APC2: variants seen among roughly 807,000 people sequenced by gnomAD.
The protein encoded by APC2 is adenomatous polyposis coli protein 2.
APC2 carries 41 observed loss-of-function variants against 72.5 expected under a neutral mutation model. The ratio of observed to expected loss-of-function variants is 0.57; its 90% CI spans 0.44 to 0.73. The LOEUF (loss-of-function observed/expected upper bound fraction) is 0.73, where lower values mean the gene tolerates loss of function less well. Ranked by LOEUF, APC2 falls within the 30% of genes least tolerant of loss-of-function variation. The probability of loss-of-function intolerance (pLI) is 0.00; values close to 1 mark genes in which losing one functional copy is unlikely to be tolerated. For missense variants in APC2, 3,729 were observed against 3,403.4 expected (o/e 1.10, Z -2.38); for synonymous variants, 1,898 against 1,612.0 (o/e 1.18, Z -4.25).
chr19:1,460,479 G>A (rs1272482648), intron 11 of APC2, among the ~76,000 whole-genome samples, 159 bp downstream of exon 11: 1 of 152,232 alleles, frequency 6.6e-6, no homozygotes, highest in Non-Finnish European at 1.5e-5. Flanking sequence ...AGTGCGGTGT[G>A]GGGGGACGGG....
upstream of APC2, chr19:1,446,485 C>G (rs1286390686): frequency 1.7e-6 from 1 of 580,306 alleles, no homozygotes; most frequent in Non-Finnish European, 2.2e-6. The surrounding 1 kb of genome is among the most constrained non-coding windows in gnomAD (Gnocchi z 6.1). Flanking sequence ...GGTCTAGTGC[C>G]GTCGCCGTAG....
Position 1,471,588 on chromosome 19 carries a change from C to A in APC2, c.*1375C>A, listed in dbSNP as rs573504185. ...CTCGTCCTGCAGAGGGAGCCGACGA[C>A]CTCTTTTCTGCAGAAAAGCTCCAGC... On this transcript the variant is annotated 3_prime_UTR_variant, in exon 15 of 15. Coordinates refer to ENST00000590469, the MANE Select transcript of APC2 (RefSeq NM_005883.3). 6.6e-6 allele frequency: 1 copy of A among 152,232 alleles called. No homozygotes were observed. Among genetic ancestry groups the A allele is most frequent in the Admixed American group, 6.5e-5 (1 of 15,278 alleles). The allele number at this position is 152,232 out of a possible 1,614,324, so 9.4% of individuals were successfully genotyped here. A position where few individuals can be genotyped will look rare whatever the true frequency, so the allele number is the denominator to read the frequency against.
chr19:1,469,868 C>G lies in APC2; in HGVS notation c.6567C>G (p.Ala2189=). ...AGPPPRKTSD[A]VVQTEEVAAP... is the part of the protein sequence containing the mutation. ...CCCCGCCGCGCAAGACCAGCGACGCCGTGGTCCAGACCGAGGAGGTCGCCG... is the reference window on the plus strand; with the variant it reads ...CCCCGCCGCGCAAGACCAGCGACGCGGTGGTCCAGACCGAGGAGGTCGCCG... Residue 2189 remains alanine (A), a synonymous_variant, in exon 15 of 15, where the codon GCC becomes GCG. Transcript: ENST00000590469. The G allele has an allele frequency of 1.6e-5, 24 of 1,522,736 alleles. No homozygotes were observed. Among genetic ancestry groups the G allele is most frequent in the Non-Finnish European group, 2.0e-5 (23 of 1,142,006 alleles). The allele number at this position is 1,522,736 out of a possible 1,614,324, so 94.3% of individuals were successfully genotyped here.
chr19:1,470,541 G>A lies in APC2; in HGVS notation c.*328G>A. The stretch of plus-strand genomic sequence containing the variant: ...AAGCCGTTGCTTGACCCCGGGCGAG[G>A]GAGGCGGTAGCCTCCGGGTCCGGGT... On this transcript the variant is annotated 3_prime_UTR_variant, in exon 15 of 15. Coordinates refer to ENST00000590469, the MANE Select transcript of APC2 (RefSeq NM_005883.3). The A allele has an allele frequency of 3.7e-6, 1 of 268,730 alleles. No homozygotes were observed. The highest frequency in any genetic ancestry group is 7.0e-6 in the Non-Finnish European group (1 of 141,890). The allele number at this position is 268,730 out of a possible 1,614,324, so 16.6% of individuals were successfully genotyped here. A position where few individuals can be genotyped will look rare whatever the true frequency, so the allele number is the denominator to read the frequency against.
rs2084024941 is a variant in APC2 at position 1,466,806 on chromosome 19, G to C, written c.3505G>C (p.Gly1169Arg). 1 of 1,551,944 alleles carries C rather than the reference G, an allele frequency of 6.4e-7. No homozygotes were observed. The highest frequency in any genetic ancestry group is 8.7e-7 in the Non-Finnish European group (1 of 1,148,874). The change falls in exon 15 of 15, where the codon GGC becomes CGC. Residue 1169 changes from glycine (G) to arginine (R), a missense_variant. Gly to Arg is a moderately radical substitution (Grantham distance 125). Transcript: ENST00000590469. ...CCGCTGCAGCTCTGTGAGCTCGCTG[G>C]GCAGCTTCGAGAGCCCGTCCATCGC... ...LSRCSSVSSLGSFESPSIASS... is the reference protein window; with the variant it reads ...LSRCSSVSSLRSFESPSIASS...
Position 1,464,509 on chromosome 19 carries a change from T to C in APC2, c.1854-646T>C, listed in dbSNP as rs187785030. Among the ~76,000 whole-genome samples the C allele has an allele frequency of 3.3e-3, 498 of 152,108 alleles. 1 individual carries two copies. Among genetic ancestry groups the C allele is most frequent in the African/African-American group, 0.011 (470 of 41,526 alleles). The stretch of plus-strand genomic sequence containing the variant: ...AGTTGGAGGCTGCAGTGAGCCATGA[T>C]TGCACCACTGCACTCCAGGCTGTAC... On this transcript the variant is annotated intron_variant, in intron 14 of 14. Transcript: ENST00000590469.
rs1568180122 is a variant in APC2 at position 1,466,732 on chromosome 19, C to CGTCCAG, written c.3432_3437dup (p.Ser1145_Ser1146insArgSer). The CGTCCAG allele has an allele frequency of 3.2e-6, 5 of 1,540,102 alleles. No homozygotes were observed. Among genetic ancestry groups the CGTCCAG allele is most frequent in the Non-Finnish European group, 4.4e-6 (5 of 1,141,192 alleles). On this transcript the variant is annotated inframe_insertion, in exon 15 of 15. Transcript: ENST00000590469. ...GGCCTGGGGGTGGAAGACGCCACGC[C>CGTCCAG]GTCCAGCTCGTCGGAGAACTACGTG...
Position 1,465,852 on chromosome 19 carries a change from G to A in APC2, c.2551G>A (p.Val851Met). ...GGCCAAGGCCAAGCTGGCGCTTGCA[G>A]TGGCGCGCATCGACCAGCTGGTGGA... ...AKAKAKLALAVARIDQLVEDI... is the reference protein window; with the variant it reads ...AKAKAKLALAMARIDQLVEDI... The change falls in exon 15 of 15, where the codon GTG (valine) becomes ATG (methionine). Residue 851 changes from valine to methionine, a missense_variant. By Grantham distance (21) the Val-to-Met change is conservative. Transcript: ENST00000590469. 6.4e-7 allele frequency: 1 copy of A among 1,572,416 alleles called. No homozygotes were observed.
In APC2 at chr19:1,452,012, G is replaced by C. The variant is rs574125362; in HGVS notation, c.-18-972G>C. ...CGGTGTGAGGAAGGGGCTCAGGCTG[G>C]CAGGGGGAGGTGGCAGAGGGATGGG... On this transcript the variant is annotated intron_variant, in intron 1 of 14. Transcript: ENST00000590469. The surrounding 1 kb of genome is among the most constrained non-coding windows in gnomAD (Gnocchi z 5.1). 243 of 155,354 alleles carry C rather than the reference G, an allele frequency of 1.6e-3. 3 individuals carry two copies. The highest frequency in any genetic ancestry group is 5.7e-3 in the African/African-American group (238 of 41,662). The allele number at this position is 155,354 out of a possible 1,614,324, so 9.6% of individuals were successfully genotyped here. A position where few individuals can be genotyped will look rare whatever the true frequency, so the allele number is the denominator to read the frequency against.
upstream of APC2, among the ~76,000 whole-genome samples, chr19:1,446,683 G>A (rs941971550): frequency 6.6e-6 from 1 of 152,120 alleles, no homozygotes; most frequent in South Asian, 2.1e-4. The surrounding 1 kb of genome is among the most constrained non-coding windows in gnomAD (Gnocchi z 6.1). Context: ...CTGGGGCGGC[G>A]GGGGCGGCTG....
rs1408101539 is a variant in APC2 at position 1,456,303 on chromosome 19, C to T, written c.718-3C>T. The T allele has an allele frequency of 6.2e-7, 1 of 1,606,178 alleles. No homozygotes were observed. The highest frequency in any genetic ancestry group is 1.7e-5 in the Admixed American group (1 of 59,482). On this transcript the variant is annotated splice_polypyrimidine_tract_variant and splice_region_variant and intron_variant, in intron 7 of 14. Transcript: ENST00000590469. Reference sequence around the variant, plus strand: ...ACCCCCGACCCTGGTGCTCTCCCTGCAGGCCTTGCTGGCGGTGAAGTCGGT... The same window carrying T: ...ACCCCCGACCCTGGTGCTCTCCCTGTAGGCCTTGCTGGCGGTGAAGTCGGT...
At position 1,456,962 on chromosome 19, in the gene APC2, G is replaced by A; in HGVS notation, c.926G>A (p.Arg309His). ...SSSPESCVAM[R>H]RSGCLPLLLQ... ...TCGCCCGAGAGCTGCGTGGCCATGC[G>A]CCGCTCGGGCTGTCTGCCTCTGCTG... Residue 309 changes from arginine (R) to histidine (H), a missense_variant, in exon 9 of 15, where the codon CGC (arginine) becomes CAC (histidine). Arg to His is a conservative substitution (Grantham distance 29). Coordinates refer to ENST00000590469, the MANE Select transcript of APC2 (RefSeq NM_005883.3). 2.6e-6 allele frequency: 4 copies of A among 1,542,164 alleles called. No individual in the cohort carries two copies. Among genetic ancestry groups the A allele is most frequent in the Non-Finnish European group, 3.5e-6 (4 of 1,150,840 alleles).
chr19:1,468,360 C>T lies in APC2; in HGVS notation c.5059C>T (p.Arg1687Cys). The change falls in exon 15 of 15, where the codon CGC becomes TGC. Residue 1687 changes from arginine (R) to cysteine (C), a missense_variant. Physicochemically the swap from Arg to Cys is radical, Grantham distance 180 (BLOSUM62 -3). Transcript: ENST00000590469. ...CTCCGACCTGGATAGCGTGGAGTGG[C>T]GCGCCATCCAGGAGGGCGCCAATTC... The part of the protein sequence containing the change: ...RASDLDSVEW[R>C]AIQEGANSIV... 1.3e-6 allele frequency: 2 copies of T among 1,568,610 alleles called. No homozygotes were observed. Among genetic ancestry groups the T allele is most frequent in the Non-Finnish European group, 1.7e-6 (2 of 1,155,804 alleles).
At chr19:1,455,332 G>C in intron 5 of APC2, 52 bp from the exon 6 acceptor site, 4 of 1,591,738 alleles carry the variant, frequency 2.5e-6, no homozygotes, top group South Asian at 1.1e-5. Context: ...GGGGAGGAAC[G>C]GGGCCTGGCC....
Position 1,465,694 on chromosome 19 carries a change from G to C in APC2, c.2393G>C (p.Ser798Thr). Residue 798 changes from serine to threonine, a missense_variant, in exon 15 of 15, where the codon AGC becomes ACC. Ser to Thr is a moderately conservative substitution (Grantham distance 58). Transcript: ENST00000590469. ...GCCGCGGCCACCGGGGAGCCAGCCA[G>C]CCCTGCCGCGCTGTCCCTCTTCCTG... The part of the protein sequence containing the change: ...AAAAATGEPA[S>T]PAALSLFLGS... 6.3e-7 allele frequency: 1 copy of C among 1,587,340 alleles called. No homozygotes were observed. The highest frequency in any genetic ancestry group is 1.3e-5 in the African/African-American group (1 of 74,224).
rs1482672189 is a variant in APC2, at chr19:1,469,350, G to A, written c.6049G>A (p.Ala2017Thr). 2 of 1,341,708 alleles carry A rather than the reference G, an allele frequency of 1.5e-6. No homozygotes were observed. Among genetic ancestry groups the A allele is most frequent in the Non-Finnish European group, 1.9e-6 (2 of 1,039,650 alleles). 83.1% of individuals were successfully genotyped at this position (1,341,708 alleles called of 1,614,324 possible). A position where few individuals can be genotyped will look rare whatever the true frequency, so the allele number is the denominator to read the frequency against. ...RRSELSSAES[A>T]ASAPQGASPR... Reference sequence around the variant, plus strand: ...CTCCGAGCTGTCCTCGGCCGAGTCCGCGGCCTCTGCCCCCCAGGGCGCCTC... The same window carrying A: ...CTCCGAGCTGTCCTCGGCCGAGTCCACGGCCTCTGCCCCCCAGGGCGCCTC... Residue 2017 changes from alanine to threonine, a missense_variant, in exon 15 of 15, where the codon GCG becomes ACG. Coordinates refer to ENST00000590469, the MANE Select transcript of APC2 (RefSeq NM_005883.3).
rs893816254 is a variant in APC2, at chr19:1,452,296, C to T, written c.-18-688C>T. Reference sequence around the variant, plus strand: ...GCCAGCAGGGACCAGCTGAAGGCTGCGCAGGGGGTGCGGGCCACACAGGTA... The same window carrying T: ...GCCAGCAGGGACCAGCTGAAGGCTGTGCAGGGGGTGCGGGCCACACAGGTA... On this transcript the variant is annotated intron_variant, in intron 1 of 14. Coordinates refer to ENST00000590469, the MANE Select transcript of APC2 (RefSeq NM_005883.3). This position sits in a 1 kb window ranked among gnomAD's most constrained non-coding sequence, Gnocchi z 5.1. 3.2e-5 allele frequency: 5 copies of T among 154,052 alleles called. No homozygotes were observed. The highest frequency in any genetic ancestry group is 1.9e-4 in the South Asian group (1 of 5,144). 9.5% of individuals were successfully genotyped at this position (154,052 alleles called of 1,614,324 possible).
rs2145262263 is a variant in APC2, at chr19:1,469,733, G to C, written c.6432G>C (p.Thr2144=). 6.8e-7 allele frequency: 1 copy of C among 1,470,794 alleles called. No individual in the cohort carries two copies. The highest frequency in any genetic ancestry group is 3.0e-5 in the East Asian group (1 of 33,790). 91.1% of individuals were successfully genotyped at this position (1,470,794 alleles called of 1,614,324 possible). Residue 2144 remains threonine, a synonymous_variant, in exon 15 of 15, where the codon ACG becomes ACC. Coordinates refer to ENST00000590469, the MANE Select transcript of APC2 (RefSeq NM_005883.3). Reference sequence around the variant, plus strand: ...TCCCCAGGGTGGCCGCGCCGGGCACGACCTGGCGGCGCATCCGAGATGAGG... The same window carrying C: ...TCCCCAGGGTGGCCGCGCCGGGCACCACCTGGCGGCGCATCCGAGATGAGG... ...RPLPRVAAPG[T]TWRRIRDEDV... is the part of the protein sequence containing the mutation.
In APC2 at chr19:1,467,981, G is replaced by C. The variant is rs755135928; in HGVS notation, c.4680G>C (p.Pro1560=). Reference sequence around the variant, plus strand: ...CCAAGGCTGCACCAGCTGCCCCGCCGCCCGCCCGGACCCAGCCCAGCCTCA... The same window carrying C: ...CCAAGGCTGCACCAGCTGCCCCGCCCCCCGCCCGGACCCAGCCCAGCCTCA... ...APSKAAPAAP[P]PARTQPSLIA... is the part of the protein sequence containing the mutation. Residue 1560 remains proline (P), a synonymous_variant, in exon 15 of 15, where the codon CCG becomes CCC. Coordinates refer to ENST00000590469, the MANE Select transcript of APC2 (RefSeq NM_005883.3). The C allele has an allele frequency of 9.5e-6, 15 of 1,579,120 alleles. No homozygotes were observed. Among genetic ancestry groups the C allele is most frequent in the Non-Finnish European group, 8.5e-7 (1 of 1,172,020 alleles).
Sources: allele counts gnomAD v4.1 joint callset (sites outside exome capture counted in the v4.1 genomes callset), GRCh38; gene constraint gnomAD v4.1.1; non-coding constraint Gnocchi (gnomAD v3.1); transcripts MANE v1.5; gene names NCBI Gene and HGNC (gene_info 2026-07-23, HGNC 2026-07-21).